The following RIMS1 variants were observed in gnomAD, a reference collection of about 807,000 sequenced individuals.
RIMS1 encodes the protein regulating synaptic membrane exocytosis protein 1.
A neutral mutation model predicts 214.1 loss-of-function variants in RIMS1; 83 were observed. The observed-to-expected ratio is 0.39, with a 90% confidence interval of 0.32 to 0.47. RIMS1 has a LOEUF of 0.47. RIMS1 is among the 20% of genes least tolerant of loss of function. The pLI, the probability that RIMS1 is intolerant of heterozygous loss-of-function variation, is 0.99. For missense variants in RIMS1, 2,050 were observed against 2,161.8 expected, an observed-to-expected ratio of 0.95 and a Z score of 1.03; for synonymous variants, 793 against 786.8, an observed-to-expected ratio of 1.01 and a Z score of -0.13.
At chr6:71,935,260 A>C (rs981121442) in intron 1 of RIMS1, among the ~76,000 whole-genome samples, 1 of 152,206 alleles carries the variant, frequency 6.6e-6, no homozygotes, top group African/African-American at 2.4e-5. Context: ...ATATTTTATC[A>C]AGTCATATGG....
chr6:72,004,318 C>T (rs921084970), intron 2 of RIMS1, among the ~76,000 whole-genome samples: 96 of 151,926 alleles, frequency 6.3e-4, no homozygotes, highest in Non-Finnish European at 6.8e-4. Context: ...TGAATAGTGC[C>T]GCAATAAACA....
intron 2 of RIMS1, among the ~76,000 whole-genome samples, chr6:72,067,974 A>T (rs998228629): frequency 2.6e-5 from 4 of 152,356 alleles, no homozygotes; most frequent in African/African-American, 9.6e-5. Context: ...CCAGAATCAC[A>T]TTATCATTAG....
intron 2 of RIMS1, among the ~76,000 whole-genome samples, chr6:72,023,036 T>C (rs1263804169): frequency 6.6e-6 from 1 of 152,162 alleles, no homozygotes; most frequent in Non-Finnish European, 1.5e-5. Context: ...GAGTTCTCCA[T>C]CTGTGGAAAC....
chr6:71,984,811 A>G (rs1799472597), intron 2 of RIMS1, among the ~76,000 whole-genome samples: 2 of 133,924 alleles, frequency 1.5e-5, no homozygotes, highest in South Asian at 2.4e-4. Flanking sequence ...CTATCTATCT[A>G]TCTATCTATT....
intron 28 of RIMS1, among the ~76,000 whole-genome samples, chr6:72,324,025 T>TAGATAGATA (rs879660789): frequency 7.1e-6 from 1 of 140,972 alleles, no homozygotes; most frequent in Non-Finnish European, 1.5e-5. Flanking sequence ...AGTGCATGCA[T>TAGATAGATA]GCATAGATAG....
chr6:72,254,773 T>C (rs2075065887), intron 16 of RIMS1, among the ~76,000 whole-genome samples: 1 of 152,172 alleles, frequency 6.6e-6, no homozygotes, highest in South Asian at 2.1e-4. Flanking sequence ...CCACTAGAGA[T>C]GGGATTAGTG....
chr6:72,170,338 G>GT (rs1226192617), intron 4 of RIMS1, among the ~76,000 whole-genome samples: 1 of 151,960 alleles, frequency 6.6e-6, no homozygotes, highest in Non-Finnish European at 1.5e-5. Context: ...ACCATTATGG[G>GT]TTTTTTAAAT....
intron 4 of RIMS1, among the ~76,000 whole-genome samples, chr6:72,164,164 C>T (rs529120576): frequency 9.2e-5 from 14 of 152,296 alleles, no homozygotes; most frequent in African/African-American, 3.4e-4. Context: ...ATGAGCGAGA[C>T]TCCGTGGGCA....
intron 24 of RIMS1, among the ~76,000 whole-genome samples, chr6:72,285,268 A>G (rs981254804): frequency 6.6e-6 from 1 of 152,214 alleles, no homozygotes. Context: ...TTTGGAAGGT[A>G]GATCAAAGGA....
At chr6:72,038,135 A>ATT (rs1244321419) in intron 2 of RIMS1, among the ~76,000 whole-genome samples, 1 of 115,412 alleles carries the variant, frequency 8.7e-6, no homozygotes, top group African/African-American at 3.4e-5. Context: ...ATATATATAT[A>ATT]TATATATATA....
intron 2 of RIMS1, among the ~76,000 whole-genome samples, chr6:71,983,555 A>G (rs1213534824): frequency 6.6e-6 from 1 of 152,080 alleles, no homozygotes; most frequent in Non-Finnish European, 1.5e-5. Flanking sequence ...CAGCCAGCCT[A>G]AGTAAATTCT....
chr6:72,194,263 G>T (rs150553747), intron 6 of RIMS1, among the ~76,000 whole-genome samples: 39 of 152,050 alleles, frequency 2.6e-4, no homozygotes, highest in Middle Eastern at 3.4e-3. Flanking sequence ...TGTCATTTTT[G>T]AATCTCAGGT....
chr6:72,092,229 C>G (rs756016755), intron 2 of RIMS1, among the ~76,000 whole-genome samples: 2 of 152,002 alleles, frequency 1.3e-5, no homozygotes, highest in Non-Finnish European at 2.9e-5. Context: ...ATTTTAAGGA[C>G]GTAGGAGTGA....
chr6:71,977,536 A>G (rs1272275310), intron 2 of RIMS1, among the ~76,000 whole-genome samples: 1 of 152,148 alleles, frequency 6.6e-6, no homozygotes, highest in African/African-American at 2.4e-5. Context: ...AATAGATGAT[A>G]AAACCCTTCT....
chr6:71,889,345 A>C (rs1768883296), intron 1 of RIMS1, among the ~76,000 whole-genome samples: 1 of 152,214 alleles, frequency 6.6e-6, no homozygotes, highest in African/African-American at 2.4e-5. Context: ...GCAAATAAAA[A>C]TTAGGAGCAC....
At chr6:72,093,935 A>G (rs993978355) in intron 2 of RIMS1, among the ~76,000 whole-genome samples, 1 of 152,142 alleles carries the variant, frequency 6.6e-6, no homozygotes, top group Non-Finnish European at 1.5e-5. Flanking sequence ...CTTCAGAGAT[A>G]TGTTACTTTT....
chr6:72,312,410 A>G (rs1008545540), intron 27 of RIMS1, among the ~76,000 whole-genome samples: 3 of 151,962 alleles, frequency 2.0e-5, no homozygotes, highest in Non-Finnish European at 2.9e-5. Context: ...CCTATTTATT[A>G]CAATTATAAC....
intron 4 of RIMS1, among the ~76,000 whole-genome samples, chr6:72,127,684 C>G (rs984990644): frequency 1.3e-5 from 2 of 152,180 alleles, no homozygotes; most frequent in Non-Finnish European, 2.9e-5. Flanking sequence ...GGCCCTGTTC[C>G]TCTGGTCCAG....
rs570106161 is a variant in RIMS1, at chr6:72,121,728, G to C, written c.471+21742G>C. Among the ~76,000 whole-genome samples the C allele has an allele frequency of 3.3e-5, 5 of 151,950 alleles. No homozygotes were observed. The East Asian group carries it at 5.8e-4, about 18-fold the overall frequency. ...GTGAGAGAGAGCATCCCTGTCTTGT[G>C]CTAGTTTTCAAAGGGAATGCTTCCA... is the stretch of plus-strand genomic sequence containing the variant. On this transcript the variant is annotated intron_variant, in intron 4 of 33. Coordinates refer to ENST00000521978, the MANE Select transcript of RIMS1 (RefSeq NM_014989.7).
Sources: allele counts gnomAD v4.1 joint callset (sites outside exome capture counted in the v4.1 genomes callset), GRCh38; gene constraint gnomAD v4.1.1; transcripts MANE v1.5; gene names NCBI Gene and HGNC (gene_info 2026-07-23, HGNC 2026-07-21).